Variants in RHD observed in about 807,000 individuals in gnomAD.
RHD encodes Rh blood group D antigen, also known as blood group Rh(D) polypeptide.
Under a neutral mutation model 45.5 loss-of-function variants are expected in RHD, and 16 were observed. The observed-to-expected ratio is 0.35, with a 90% CI of 0.24 to 0.53. The LOEUF (loss-of-function observed/expected upper bound fraction) is 0.53, where lower values mean the gene tolerates loss of function less well. Ranked by LOEUF, RHD falls within the 20% of genes least tolerant of loss-of-function variation. RHD has a pLI of 0.92. For synonymous variants in RHD, 131 were observed against 217.5 expected, an observed-to-expected ratio of 0.60 and a Z score of 3.50; for missense variants, 306 against 532.0, an observed-to-expected ratio of 0.58 and a Z score of 4.18.
chr1:25,306,910 T>C (rs1643883021), intron 7 of RHD, 181 bp downstream of exon 7: 1 of 668,040 alleles, frequency 1.5e-6, no homozygotes, highest in African/African-American at 1.8e-5. Flanking sequence ...GATGGATTTA[T>C]CACCTCTCCA....
intron 2 of RHD, among the ~76,000 whole-genome samples, chr1:25,290,374 G>C (rs959988254): frequency 2.8e-5 from 3 of 107,974 alleles, no homozygotes; most frequent in South Asian, 2.9e-4. Context: ...ATGCCTCATA[G>C]ATGAAGGCAC....
At chr1:25,304,524 G>A (rs1369841568) in intron 6 of RHD, 1 of 128,932 alleles carries the variant, frequency 7.8e-6, no homozygotes, top group Non-Finnish European at 1.8e-5. Flanking sequence ...CTTGAACCTG[G>A]GAGACAGAGC....
Position 25,290,684 on chromosome 1 carries a change from G to T in RHD, c.379G>T (p.Val127Leu). Reference protein sequence around the residue: ...TMSALSVLISVDAVLGKVNLA... With the variant: ...TMSALSVLISLDAVLGKVNLA... Reference sequence around the variant, plus strand: ...GAGTGCTTTGTCGGTGCTGATCTCAGTGGATGCTGTCTTGGGGAAGGTCAA... The same window carrying T: ...GAGTGCTTTGTCGGTGCTGATCTCATTGGATGCTGTCTTGGGGAAGGTCAA... Residue 127 changes from valine to leucine, a missense_variant, in exon 3 of 10, where the codon GTG (valine) becomes TTG (leucine). By Grantham distance (32) the Val-to-Leu change is conservative (BLOSUM62 1). Transcript: ENST00000328664. 1 of 1,378,594 alleles carries T rather than the reference G, an allele frequency of 7.3e-7. No homozygotes were observed. Among genetic ancestry groups the T allele is most frequent in the East Asian group, 2.2e-5 (1 of 44,650 alleles). The allele number at this position is 1,378,594 out of a possible 1,614,324, so 85.4% of individuals were successfully genotyped here. A position where few individuals can be genotyped will look rare whatever the true frequency, so the allele number is the denominator to read the frequency against.
rs542567404 is a variant in RHD, at chr1:25,296,835, G to A, written c.487-4111G>A. On this transcript the variant is annotated intron_variant, in intron 3 of 9. Transcript: ENST00000328664. ...TTGTAAGTTTCCTGAGGCCTCCCCG[G>A]CCATGCCAAACTGTGAGTCAATTCA... Among the ~76,000 whole-genome samples, 112 of 126,312 alleles carry A rather than the reference G, an allele frequency of 8.9e-4. 22 individuals carry two copies. Among genetic ancestry groups the A allele is most frequent in the Non-Finnish European group, 1.8e-3 (96 of 53,266 alleles). 82.9% of individuals were successfully genotyped at this position (126,312 alleles called of 152,430 possible). A position where few individuals can be genotyped will look rare whatever the true frequency, so the allele number is the denominator to read the frequency against.
Position 25,284,594 on chromosome 1 carries a change from T to C in RHD, c.170T>C (p.Met57Thr). 7.2e-7 allele frequency: 1 copy of C among 1,389,316 alleles called. No homozygotes were observed. Among genetic ancestry groups the C allele is most frequent in the Non-Finnish European group, 1.0e-6 (1 of 985,588 alleles). 86.1% of individuals were successfully genotyped at this position (1,389,316 alleles called of 1,614,324 possible). The stretch of plus-strand genomic sequence containing the variant: ...GCAGTTGGCCAAGATCTGACCGTGA[T>C]GGCGGCCATTGGCTTGGGCTTCCTC... Reference protein sequence around the residue: ...SYQVGQDLTVMAAIGLGFLTS... With the variant: ...SYQVGQDLTVTAAIGLGFLTS... Residue 57 changes from methionine (M) to threonine (T), a missense_variant, in exon 2 of 10, where the codon ATG (methionine) becomes ACG (threonine). Physicochemically the swap from Met to Thr is moderately conservative, Grantham distance 81. Coordinates refer to ENST00000328664, the MANE Select transcript of RHD (RefSeq NM_016124.6).
At chr1:25,286,071 A>G (rs1641960587) in intron 2 of RHD, among the ~76,000 whole-genome samples, 1 of 135,526 alleles carries the variant, frequency 7.4e-6, no homozygotes, top group African/African-American at 2.5e-5. Flanking sequence ...TAAGTGGTGG[A>G]GATGGCTCCA....
intron 6 of RHD, 123 bp downstream of exon 6, chr1:25,303,582 C>G (rs1448548171): frequency 2.0e-6 from 2 of 1,024,778 alleles, no homozygotes; most frequent in African/African-American, 3.1e-5. Context: ...CTCTTATTGG[C>G]TTCAACGCCT....
chr1:25,329,191 G>C lies in RHD; in HGVS notation c.*267G>C. The stretch of plus-strand genomic sequence containing the variant: ...TTGGTAAACAACAGACTGCATATAT[G>C]ATGGTGGTCATCCAGTAAGCTAAGG... On this transcript the variant is annotated 3_prime_UTR_variant, in exon 10 of 10. Coordinates refer to ENST00000328664, the MANE Select transcript of RHD (RefSeq NM_016124.6). 1 of 666,506 alleles carries C rather than the reference G, an allele frequency of 1.5e-6. No individual in the cohort carries two copies. 41.3% of individuals were successfully genotyped at this position (666,506 alleles called of 1,614,324 possible).
chr1:25,298,230 C>T (rs1643102977), intron 3 of RHD, among the ~76,000 whole-genome samples: 1 of 111,306 alleles, frequency 9.0e-6, no homozygotes, highest in African/African-American at 2.8e-5. Context: ...ACATGGCTGT[C>T]AAGAAGAGGA....
At chr1:25,277,065 T>TA (rs1312886734) in intron 1 of RHD, among the ~76,000 whole-genome samples, 4 of 129,554 alleles carry the variant, frequency 3.1e-5, no homozygotes, top group African/African-American at 7.8e-5. Flanking sequence ...AGACTCCGTC[T>TA]AAAAAAAAAT....
intron 6 of RHD, among the ~76,000 whole-genome samples, chr1:25,303,675 G>A (rs1174049537): frequency 7.6e-6 from 1 of 131,882 alleles, no homozygotes; most frequent in African/African-American, 2.6e-5. Flanking sequence ...GCTTGCTTGG[G>A]CATTGGGGAG....
At chr1:25,321,701 A>AATAAAATAAAATAAAATAAC (rs1644718733) in intron 8 of RHD, among the ~76,000 whole-genome samples, 188 bp from the exon 9 acceptor site, 1 of 128,454 alleles carries the variant, frequency 7.8e-6, no homozygotes, top group Admixed American at 7.7e-5. Flanking sequence ...AATAAAATAA[A>AATAAAATAAAATAAAATAAC]ATAAAATAGG....
rs1470511976 is a variant in RHD, at chr1:25,299,811, G to A, written c.487-1135G>A. Among the ~76,000 whole-genome samples, 8 of 131,708 alleles carry A rather than the reference G, an allele frequency of 6.1e-5. 2 individuals are homozygous for A. The highest frequency in any genetic ancestry group is 2.1e-4 in the African/African-American group (8 of 38,220). The allele number at this position is 131,708 out of a possible 152,430, so 86.4% of individuals were successfully genotyped here. On this transcript the variant is annotated intron_variant, in intron 3 of 9. Transcript: ENST00000328664. ...GTCGCTGAAGCTGGAGTGCAGTGGC[G>A]ACATCTCAGCTCACTATAGCCTCCG...
Position 25,284,259 on chromosome 1 carries a change from G to A in RHD, c.149-314G>A, listed in dbSNP as rs1484717315. Among the ~76,000 whole-genome samples the A allele has an allele frequency of 5.9e-5, 8 of 135,998 alleles. 2 individuals carry two copies. The highest frequency in any genetic ancestry group is 1.2e-4 in the Non-Finnish European group (7 of 57,116). 89.2% of individuals were successfully genotyped at this position (135,998 alleles called of 152,430 possible). A position where few individuals can be genotyped will look rare whatever the true frequency, so the allele number is the denominator to read the frequency against. On this transcript the variant is annotated intron_variant, in intron 1 of 9. Coordinates refer to ENST00000328664, the MANE Select transcript of RHD (RefSeq NM_016124.6). ...CGTCAAGCACGTGTGCTTTACACTT[G>A]TTCTTATTATTAGGTTTAATAATAG...
chr1:25,321,992 A>G (rs746284102), intron 9 of RHD, 30 bp downstream of exon 9: 2 of 1,073,332 alleles, frequency 1.9e-6, no homozygotes, highest in Admixed American at 3.6e-5. Context: ...AACGTGATAG[A>G]TTTTGAGTGC....
Position 25,282,212 on chromosome 1 carries a change from A to T in RHD, c.149-2361A>T, listed in dbSNP as rs1266440400. Among the ~76,000 whole-genome samples the T allele has an allele frequency of 2.3e-5, 3 of 132,744 alleles. 1 individual carries two copies. The highest frequency in any genetic ancestry group is 7.7e-5 in the African/African-American group (3 of 38,940). 87.1% of individuals were successfully genotyped at this position (132,744 alleles called of 152,430 possible). A position where few individuals can be genotyped will look rare whatever the true frequency, so the allele number is the denominator to read the frequency against. On this transcript the variant is annotated intron_variant, in intron 1 of 9. Coordinates refer to ENST00000328664, the MANE Select transcript of RHD (RefSeq NM_016124.6). ...AAGACCACAGGGCTATGAAGTGGAA[A>T]CACATAAATTGATATTTCATTTTAT...
rs1282155137 is a variant in RHD at position 25,286,558 on chromosome 1, G to A, written c.335+1799G>A. 1.3e-4 allele frequency among the ~76,000 whole-genome samples: 17 copies of A among 134,720 alleles called. 3 individuals carry two copies. The highest frequency in any genetic ancestry group is 6.6e-4 in the South Asian group (3 of 4,550). 88.4% of individuals were successfully genotyped at this position (134,720 alleles called of 152,430 possible). ...TCCCAGCACTTTGGGAGGCCAAGGCGGGGGGATCATGAGGTCAGGAGATCG... is the reference window on the plus strand; with the variant it reads ...TCCCAGCACTTTGGGAGGCCAAGGCAGGGGGATCATGAGGTCAGGAGATCG... On this transcript the variant is annotated intron_variant, in intron 2 of 9. Coordinates refer to ENST00000328664, the MANE Select transcript of RHD (RefSeq NM_016124.6).
At chr1:25,293,054 C>A (rs1370680912) in intron 3 of RHD, among the ~76,000 whole-genome samples, 212 of 128,246 alleles carry the variant, frequency 1.7e-3, no homozygotes, top group African/African-American at 5.5e-3. Flanking sequence ...TGGATTTGGC[C>A]AGGAGACCTT....
intron 2 of RHD, among the ~76,000 whole-genome samples, chr1:25,287,880 G>C (rs1642178700): frequency 7.9e-6 from 1 of 126,238 alleles, no homozygotes; most frequent in South Asian, 2.5e-4. Flanking sequence ...CTGCTACCAT[G>C]CCCTGCTAAT....
Sources: gnomAD v4.1 joint callset for allele counts (sites outside exome capture counted in the v4.1 genomes callset) on GRCh38, gnomAD v4.1.1 for gene constraint, MANE v1.5 for transcripts, NCBI Gene and HGNC (gene_info 2026-07-23, HGNC 2026-07-21) for gene names.